The following PCSK5 variants were observed in gnomAD, a reference collection of about 807,000 sequenced individuals.
The protein encoded by PCSK5 is proprotein convertase subtilisin/kexin type 5.
PCSK5 carries 129 observed loss-of-function variants against 233.2 expected under a neutral mutation model. The observed-to-expected ratio is 0.55, with a 90% confidence interval of 0.48 to 0.64. PCSK5 has a LOEUF of 0.64. Ranked by LOEUF, PCSK5 falls within the 30% of genes least tolerant of loss-of-function variation. PCSK5 has a pLI of 0.00. For synonymous variants in PCSK5, 825 were observed against 879.2 expected (o/e 0.94, Z 1.09); for missense variants, 2,076 against 2,430.1 (o/e 0.85, Z 3.06).
At position 76,000,976 on chromosome 9, in the gene PCSK5, C is replaced by T. The variant is rs558355172; in HGVS notation, c.411+14731C>T. ...AATATGAGTGTTGTGATTCTGATTG[C>T]TGTTGGATTAATATTTAGGAGTTTT... On this transcript the variant is annotated intron_variant, in intron 3 of 37. Coordinates refer to ENST00000674117, the MANE Select transcript of PCSK5 (RefSeq NM_001372043.1). Among the ~76,000 whole-genome samples, 57 of 151,176 alleles carry T rather than the reference C, an allele frequency of 3.8e-4. No individual in the cohort carries two copies. In the South Asian group the frequency reaches 0.011, roughly 29 times the overall value.
At chr9:76,206,241 C>T (rs1240878853) in intron 20 of PCSK5, among the ~76,000 whole-genome samples, 2 of 152,208 alleles carry the variant, frequency 1.3e-5, no homozygotes, top group Admixed American at 1.3e-4. Context: ...GTGTTAACTA[C>T]ATAGTCTTAG....
At chr9:76,222,318 G>C (rs1825753015) in intron 20 of PCSK5, among the ~76,000 whole-genome samples, 1 of 151,864 alleles carries the variant, frequency 6.6e-6, no homozygotes, top group African/African-American at 2.4e-5. Context: ...AACTCTTTGT[G>C]TAGATATTTT....
rs1343423725 is a variant in PCSK5, at chr9:76,112,458, A to G, written c.1208+5107A>G. ...TCTACAGTAGAAATACACCTGGTGC[A>G]TATTGAACATTAGCTGCCTCTGGTA... On this transcript the variant is annotated intron_variant, in intron 9 of 37. Coordinates refer to ENST00000674117, the MANE Select transcript of PCSK5 (RefSeq NM_001372043.1). Among the ~76,000 whole-genome samples the G allele has an allele frequency of 3.3e-5, 5 of 152,312 alleles. 1 individual carries two copies. The South Asian group carries it at 1.0e-3, about 32-fold the overall frequency.
In PCSK5 at chr9:76,158,970, C is replaced by G. The variant is rs764560494; in HGVS notation, c.1431-13C>G. 1 of 1,608,368 alleles carries G rather than the reference C, an allele frequency of 6.2e-7. No individual in the cohort carries two copies. ...TGTCATTTGCTCAAACTCTCCATCT[C>G]TCTCTGTTACAGGACAATCCGCCCT... On this transcript the variant is annotated splice_polypyrimidine_tract_variant and intron_variant, in intron 11 of 37. Coordinates refer to ENST00000674117, the MANE Select transcript of PCSK5 (RefSeq NM_001372043.1).
Position 76,258,981 on chromosome 9 carries a change from T to C in PCSK5, c.3142+18297T>C, listed in dbSNP as rs1827071308. Among the ~76,000 whole-genome samples, 3 of 152,160 alleles carry C rather than the reference T, an allele frequency of 2.0e-5. No homozygotes were observed. In the South Asian group the frequency reaches 6.2e-4, roughly 32 times the overall value. ...AATGTGCATTAGTGGGATGGGCCAC[T>C]TGGGACCCTAGCAAGCAACCAGGGA... On this transcript the variant is annotated intron_variant, in intron 24 of 37. Coordinates refer to ENST00000674117, the MANE Select transcript of PCSK5 (RefSeq NM_001372043.1).
intron 5 of PCSK5, among the ~76,000 whole-genome samples, chr9:76,035,818 G>A (rs1212635510): frequency 6.6e-6 from 1 of 152,012 alleles, no homozygotes; most frequent in Non-Finnish European, 1.5e-5. Flanking sequence ...TTAGAAATAT[G>A]TAAGAGGTAG....
chr9:76,323,383 T>C, intron 32 of PCSK5, 95 bp downstream of exon 32: 1 of 738,858 alleles, frequency 1.4e-6, no homozygotes, highest in South Asian at 1.9e-5. Flanking sequence ...TTTTTTTTGT[T>C]GTGTTTTGTT....
chr9:76,027,065 A>T (rs758869314), intron 5 of PCSK5, 28 bp downstream of exon 5: 4 of 1,497,570 alleles, frequency 2.7e-6, no homozygotes, highest in Non-Finnish European at 3.7e-6. Flanking sequence ...GGTGGCTGGC[A>T]TGTGGCTGGC....
At chr9:76,338,560 C>A in intron 35 of PCSK5, 113 bp downstream of exon 35, 1 of 702,298 alleles carries the variant, frequency 1.4e-6, no homozygotes, top group Non-Finnish European at 2.4e-6. Context: ...TGCTTCCCTA[C>A]CTCGTGTGTG....
chr9:76,070,453 G>T lies in PCSK5; in HGVS notation c.722-1273G>T, dbSNP rs11144740. 7.7e-3 allele frequency among the ~76,000 whole-genome samples: 1,176 copies of T among 152,272 alleles called. 17 individuals are homozygous for T. Among genetic ancestry groups the T allele is most frequent in the African/African-American group, 0.027 (1,113 of 41,558 alleles). ...CTTTAGAGATACATGGAGGGGAATGGAATGTTGGCTAGATGTTAGATGGCA... is the reference window on the plus strand; with the variant it reads ...CTTTAGAGATACATGGAGGGGAATGTAATGTTGGCTAGATGTTAGATGGCA... On this transcript the variant is annotated intron_variant, in intron 6 of 37. Coordinates refer to ENST00000674117, the MANE Select transcript of PCSK5 (RefSeq NM_001372043.1).
chr9:76,129,509 A>G lies in PCSK5; in HGVS notation c.1209-4600A>G, dbSNP rs535450452. Among the ~76,000 whole-genome samples, 17 of 152,148 alleles carry G rather than the reference A, an allele frequency of 1.1e-4. No homozygotes were observed. The South Asian group carries it at 3.3e-3, about 30-fold the overall frequency. On this transcript the variant is annotated intron_variant, in intron 9 of 37. Transcript: ENST00000674117. ...ATGTGTATCTGTTGTCTTTTTTATCAGCTGCCCCTAAATTACAATGAGGAT... is the reference window on the plus strand; with the variant it reads ...ATGTGTATCTGTTGTCTTTTTTATCGGCTGCCCCTAAATTACAATGAGGAT...
intron 30 of PCSK5, among the ~76,000 whole-genome samples, chr9:76,319,564 T>G (rs1160398936): frequency 2.0e-5 from 3 of 152,150 alleles, no homozygotes; most frequent in African/African-American, 7.2e-5. Context: ...AAGGGCCGCT[T>G]GAGGGCTCCT....
At chr9:75,994,355 A>G (rs1168845657) in intron 3 of PCSK5, among the ~76,000 whole-genome samples, 1 of 147,440 alleles carries the variant, frequency 6.8e-6, no homozygotes. Context: ...ACAGCTAGTT[A>G]TCCGCCTCCC....
chr9:76,233,587 T>C lies in PCSK5; in HGVS notation c.2857T>C (p.Cys953Arg). The part of the protein sequence containing the change: ...QGSGPTHCTS[C>R]GADNYGREHF... Reference sequence around the variant, plus strand: ...AAGTGGCCCTACCCACTGCACCTCCTGTGGAGCAGGTGAGAGACTGCTGCT... The same window carrying C: ...AAGTGGCCCTACCCACTGCACCTCCCGTGGAGCAGGTGAGAGACTGCTGCT... The change falls in exon 22 of 38, where the codon TGT becomes CGT. Residue 953 changes from cysteine to arginine, a missense_variant. Physicochemically the swap from Cys to Arg is radical, Grantham distance 180 (BLOSUM62 -3). Around this residue, in one of 6 missense-constraint regions of PCSK5, gnomAD observed 1,510 missense variants for 1,538.1 expected, o/e 0.98. Transcript: ENST00000674117. 1 of 1,610,086 alleles carries C rather than the reference T, an allele frequency of 6.2e-7. No homozygotes were observed. The highest frequency in any genetic ancestry group is 8.5e-7 in the Non-Finnish European group (1 of 1,179,630).
intron 27 of PCSK5, among the ~76,000 whole-genome samples, chr9:76,299,908 T>C (rs115973950): frequency 6.6e-4 from 100 of 152,338 alleles, no homozygotes; most frequent in Middle Eastern, 3.4e-3. Context: ...TTTCCCCCGG[T>C]AGTGCTGGAG....
chr9:76,017,280 A>T (rs781383577), intron 3 of PCSK5, among the ~76,000 whole-genome samples: 4 of 152,114 alleles, frequency 2.6e-5, no homozygotes, highest in African/African-American at 4.8e-5. Context: ...TGCCCTTTCA[A>T]CTTTGCCAAT....
At chr9:76,354,987 C>G (rs146759261) in intron 37 of PCSK5, among the ~76,000 whole-genome samples, 1 of 152,294 alleles carries the variant, frequency 6.6e-6, no homozygotes, top group East Asian at 1.9e-4. Flanking sequence ...CTATGAAAGT[C>G]AGCCCAAACC....
chr9:76,301,883 G>C lies in PCSK5; in HGVS notation c.3524-254G>C, dbSNP rs117589730. On this transcript the variant is annotated intron_variant, in intron 27 of 37. Coordinates refer to ENST00000674117, the MANE Select transcript of PCSK5 (RefSeq NM_001372043.1). ...TGTTTACAAGGAATGCTAATGACAA[G>C]AGAAAATACCTACGAGATTTATAGT... Among the ~76,000 whole-genome samples the C allele has an allele frequency of 8.0e-4, 121 of 152,160 alleles. 1 individual carries two copies. The East Asian group carries it at 0.018, about 23-fold the overall frequency.
chr9:76,024,490 T>C (rs997657099), intron 4 of PCSK5, among the ~76,000 whole-genome samples: 1 of 152,188 alleles, frequency 6.6e-6, no homozygotes, highest in Non-Finnish European at 1.5e-5. Context: ...GATAGGAGAA[T>C]AAACTGTAGC....
Sources: allele counts gnomAD v4.1 joint callset (sites outside exome capture counted in the v4.1 genomes callset), GRCh38; gene constraint gnomAD v4.1.1; regional missense constraint gnomAD v4.1.1; transcripts MANE v1.5; gene names NCBI Gene and HGNC (gene_info 2026-07-23, HGNC 2026-07-21).